Variants in KIF13B observed in about 807,000 individuals in gnomAD.
KIF13B encodes kinesin family member 13B.
In KIF13B, 127 loss-of-function variants were observed where a neutral mutation model predicts 222.0. The observed-to-expected ratio is 0.57, with a 90% CI of 0.50 to 0.66. The LOEUF is 0.66. KIF13B is among the 30% of genes least tolerant of loss of function. The pLI is 0.00. For synonymous variants in KIF13B, 976 were observed against 919.0 expected (o/e 1.06, Z -1.12); for missense variants, 2,173 against 2,379.0 (o/e 0.91, Z 1.80).
rs545836492 is a variant in KIF13B, at chr8:29,141,206, C to T, written c.2335-589G>A. On this transcript the variant is annotated intron_variant, in intron 19 of 39. Coordinates refer to ENST00000524189, the MANE Select transcript of KIF13B (RefSeq NM_015254.4). Reference sequence around the variant, plus strand: ...AAAATTAGCCAGGTGTGGTGGTGGGCGCCTGTAATCCCAGCTACTCGGGAG... The same window carrying T: ...AAAATTAGCCAGGTGTGGTGGTGGGTGCCTGTAATCCCAGCTACTCGGGAG... Among the ~76,000 whole-genome samples, 131 of 152,028 alleles carry T rather than the reference C, an allele frequency of 8.6e-4. 1 individual carries two copies. The highest frequency in any genetic ancestry group is 2.9e-3 in the African/African-American group (120 of 41,476).
intron 2 of KIF13B, among the ~76,000 whole-genome samples, chr8:29,215,375 C>T (rs1345949604): frequency 6.6e-6 from 1 of 152,128 alleles, no homozygotes; most frequent in African/African-American, 2.4e-5. Flanking sequence ...GTCCCAGGAT[C>T]GATCGAACCA....
At chr8:29,075,223 C>T in intron 38 of KIF13B, 58 bp downstream of exon 38, 1 of 1,425,814 alleles carries the variant, frequency 7.0e-7, no homozygotes, top group Non-Finnish European at 9.7e-7. Flanking sequence ...ACAGTTTCGG[C>T]ATCAGGGCCA....
chr8:29,100,074 A>G (rs1808721257), intron 35 of KIF13B, among the ~76,000 whole-genome samples: 1 of 152,250 alleles, frequency 6.6e-6, no homozygotes, highest in Non-Finnish European at 1.5e-5. Context: ...TTAAAGATAA[A>G]TTACAGTCAA....
chr8:29,250,443 G>A (rs534662740), intron 1 of KIF13B, among the ~76,000 whole-genome samples: 1 of 152,150 alleles, frequency 6.6e-6, no homozygotes, highest in South Asian at 2.1e-4. Context: ...AGAATTAAAT[G>A]GTATGATTAA....
chr8:29,224,346 T>G (rs938049081), intron 2 of KIF13B, among the ~76,000 whole-genome samples: 31 of 152,156 alleles, frequency 2.0e-4, no homozygotes, highest in African/African-American at 7.2e-4. Flanking sequence ...CCCTAAGTAT[T>G]TAATAAAAGA....
chr8:29,210,252 C>A (rs1020159671), intron 2 of KIF13B, among the ~76,000 whole-genome samples: 5 of 152,124 alleles, frequency 3.3e-5, no homozygotes, highest in African/African-American at 7.2e-5. Context: ...ATTCAGTATA[C>A]CTTTGTGTAA....
At position 29,071,697 on chromosome 8, in the gene KIF13B, G is replaced by A. The variant is rs547030704; in HGVS notation, c.5141C>T (p.Thr1714Met). The A allele has an allele frequency of 1.2e-5, 18 of 1,552,234 alleles. No individual in the cohort carries two copies. Among genetic ancestry groups the A allele is most frequent in the Non-Finnish European group, 1.4e-5 (16 of 1,147,932 alleles). Residue 1714 changes from threonine to methionine, a missense_variant, in exon 39 of 40, where the codon ACG (threonine) becomes ATG (methionine). This residue lies in a region of KIF13B where 693 missense variants were observed against 656.2 expected (regional missense o/e 1.06). Coordinates refer to ENST00000524189, the MANE Select transcript of KIF13B (RefSeq NM_015254.4). This position sits in a 1 kb window ranked among gnomAD's most constrained non-coding sequence, Gnocchi z 4.9. The part of the protein sequence containing the change: ...GEFVTVGAHK[T>M]GVVRYVGPAD... Reference sequence around the variant, plus strand: ...AGGCCCCACGTATCTCACCACGCCCGTTTTGTGGGCGCCCACGGTGACGAA... The same window carrying A: ...AGGCCCCACGTATCTCACCACGCCCATTTTGTGGGCGCCCACGGTGACGAA...
intron 2 of KIF13B, among the ~76,000 whole-genome samples, chr8:29,221,293 G>T (rs938041041): frequency 2.0e-5 from 3 of 151,638 alleles, no homozygotes; most frequent in African/African-American, 7.3e-5. Context: ...AGTGGAGGCG[G>T]GGTTTTGCCA....
At chr8:29,082,579 C>T (rs1030403239) in intron 37 of KIF13B, among the ~76,000 whole-genome samples, 18 of 151,932 alleles carry the variant, frequency 1.2e-4, no homozygotes, top group African/African-American at 3.6e-4. Flanking sequence ...TTCGAAGCTG[C>T]AGTGAGCTAT....
At chr8:29,224,000 T>C (rs906988168) in intron 2 of KIF13B, among the ~76,000 whole-genome samples, 1 of 150,756 alleles carries the variant, frequency 6.6e-6, no homozygotes, top group African/African-American at 2.5e-5. Flanking sequence ...CTACCAATTT[T>C]TTTTTTCTTT....
chr8:29,234,471 T>C (rs1815419794), intron 2 of KIF13B, among the ~76,000 whole-genome samples: 2 of 148,780 alleles, frequency 1.3e-5, no homozygotes. Flanking sequence ...GTCAAAATCA[T>C]ATATACAGTA....
intron 2 of KIF13B, among the ~76,000 whole-genome samples, chr8:29,244,593 C>CA (rs1190961457): frequency 2.0e-5 from 3 of 152,128 alleles, no homozygotes; most frequent in Non-Finnish European, 4.4e-5. Flanking sequence ...CAAAAACTGC[C>CA]AAAAACAAAA....
intron 13 of KIF13B, among the ~76,000 whole-genome samples, chr8:29,158,120 G>A (rs1353226166): frequency 2.0e-5 from 3 of 152,036 alleles, no homozygotes; most frequent in East Asian, 3.9e-4. Context: ...ATTTCTTACC[G>A]TTTCTATCTC....
intron 23 of KIF13B, among the ~76,000 whole-genome samples, chr8:29,131,509 A>G (rs1810343102): frequency 6.6e-6 from 1 of 152,208 alleles, no homozygotes; most frequent in Non-Finnish European, 1.5e-5. Flanking sequence ...AAACTATCCA[A>G]ATGCAAAAAA....
At chr8:29,249,333 G>A (rs890751007) in intron 1 of KIF13B, among the ~76,000 whole-genome samples, 26 of 151,670 alleles carry the variant, frequency 1.7e-4, no homozygotes, top group Non-Finnish European at 2.8e-4. Flanking sequence ...GAGAGGCTGA[G>A]GCACGAGAAT....
At chr8:29,168,231 T>C (rs1009784700) in intron 10 of KIF13B, among the ~76,000 whole-genome samples, 3 of 152,270 alleles carry the variant, frequency 2.0e-5, no homozygotes, top group East Asian at 1.9e-4. Flanking sequence ...TGAGAAGAGA[T>C]ACTGTCTTCA....
Position 29,250,041 on chromosome 8 carries a change from T to C in KIF13B, c.56-4602A>G, listed in dbSNP as rs1190995181. On this transcript the variant is annotated intron_variant, in intron 1 of 39. Transcript: ENST00000524189. Reference sequence around the variant, plus strand: ...AGAGTTTCTTAAAACCACTGCTTAATGGAATCTGACCATATTGTATCAGCT... The same window carrying C: ...AGAGTTTCTTAAAACCACTGCTTAACGGAATCTGACCATATTGTATCAGCT... 10 of 1,289,156 alleles carry C rather than the reference T, an allele frequency of 7.8e-6. No homozygotes were observed. The South Asian group carries it at 8.6e-5, about 11-fold the overall frequency. 79.9% of individuals were successfully genotyped at this position (1,289,156 alleles called of 1,614,324 possible).
chr8:29,101,549 A>G (rs1256003361), intron 35 of KIF13B, among the ~76,000 whole-genome samples: 1 of 152,084 alleles, frequency 6.6e-6, no homozygotes, highest in East Asian at 1.9e-4. Flanking sequence ...AGCAGGCACT[A>G]CCCAATCAGA....
At position 29,113,457 on chromosome 8, in the gene KIF13B, CT is replaced by C; in HGVS notation, c.3930+5del. 1 of 1,522,794 alleles carries C rather than the reference CT, an allele frequency of 6.6e-7. No individual in the cohort carries two copies. The highest frequency in any genetic ancestry group is 9.0e-7 in the Non-Finnish European group (1 of 1,114,654). 94.3% of individuals were successfully genotyped at this position (1,522,794 alleles called of 1,614,324 possible). On this transcript the variant is annotated splice_donor_5th_base_variant and intron_variant, in intron 32 of 39. Coordinates refer to ENST00000524189, the MANE Select transcript of KIF13B (RefSeq NM_015254.4). ...TTTTAGTAAATTTAAATTGTATATC[CT>C]TCACCTCTGGAATATTGGAGACAAT... is the stretch of plus-strand genomic sequence containing the variant.
Sources: allele counts gnomAD v4.1 joint callset (sites outside exome capture counted in the v4.1 genomes callset), GRCh38; gene constraint gnomAD v4.1.1; regional missense constraint gnomAD v4.1.1; non-coding constraint Gnocchi (gnomAD v3.1); transcripts MANE v1.5; gene names NCBI Gene and HGNC (gene_info 2026-07-23, HGNC 2026-07-21).